Variants in MAGEC1 observed in about 807,000 individuals in gnomAD.
MAGEC1 encodes MAGE family member C1.
MAGEC1 carries 3 observed loss-of-function variants against 1.5 expected under a neutral mutation model. That is an observed-to-expected ratio of 1.97 (90% CI 0.90 to 5.10). MAGEC1 has a LOEUF of 5.10. MAGEC1 is among the 30% of genes most tolerant of loss of function. The probability of loss-of-function intolerance (pLI) is 0.02; values close to 1 mark genes in which losing one functional copy is unlikely to be tolerated. For synonymous variants in MAGEC1, 357 were observed against 310.4 expected (o/e 1.15, Z -1.58); for missense variants, 985 against 803.1 (o/e 1.23, Z -2.74).
rs1481838835 is a variant in MAGEC1 at position 141,905,788 on chromosome X, G to C, written c.384G>C (p.Leu128=). The change falls in exon 4 of 4, where the codon CTG becomes CTC. Residue 128 remains leucine (L), a synonymous_variant. Coordinates refer to ENST00000285879, the MANE Select transcript of MAGEC1 (RefSeq NM_005462.5). The stretch of plus-strand genomic sequence containing the variant: ...AGGGTGAGGATGTCCAGTCTCCTCT[G>C]CAGAATCCTGCGAGTTCCTTCTTCT... The part of the protein sequence containing the change: ...PPEGEDVQSP[L]QNPASSFFSS... 3 of 1,212,188 alleles carry C rather than the reference G, an allele frequency of 2.5e-6. No homozygotes were observed.
chrX:141,907,536 C>A lies in MAGEC1; in HGVS notation c.2132C>A (p.Pro711His). ...GEDSLSSLHFPQSPPEWEDSL... is the reference protein window; with the variant it reads ...GEDSLSSLHFHQSPPEWEDSL... ...GACTCCCTGTCTTCTCTCCATTTTC[C>A]TCAGAGTCCTCCTGAGTGGGAGGAC... is the stretch of plus-strand genomic sequence containing the variant. The change falls in exon 4 of 4, where the codon CCT (proline) becomes CAT (histidine). Residue 711 changes from proline (P) to histidine (H), a missense_variant. Physicochemically the swap from Pro to His is moderately conservative, Grantham distance 77 (BLOSUM62 -2). Transcript: ENST00000285879. The A allele has an allele frequency of 2.5e-6, 3 of 1,201,913 alleles. No homozygotes were observed. The highest frequency in any genetic ancestry group is 2.2e-6 in the Non-Finnish European group (2 of 889,848).
In MAGEC1 at chrX:141,908,544, T is replaced by C; in HGVS notation, c.3140T>C (p.Val1047Ala). The change falls in exon 4 of 4, where the codon GTT (valine) becomes GCT (alanine). Residue 1047 changes from valine (V) to alanine (A), a missense_variant. Val to Ala is a moderately conservative substitution (Grantham distance 64, BLOSUM62 0). Coordinates refer to ENST00000285879, the MANE Select transcript of MAGEC1 (RefSeq NM_005462.5). ...FGEPRELLTK[V>A]WVQEHYLEYR... ...GAGCCCAGGGAGCTCCTCACTAAAG[T>C]TTGGGTGCAGGAACATTACCTAGAG... The C allele has an allele frequency of 8.4e-7, 1 of 1,193,905 alleles. No individual in the cohort carries two copies. Among genetic ancestry groups the C allele is most frequent in the Non-Finnish European group, 1.1e-6 (1 of 886,605 alleles).
chrX:141,907,320 G>A lies in MAGEC1; in HGVS notation c.1916G>A (p.Ser639Asn). ...ATCTGCTCCTCCTCCACTCCATCCA[G>A]TCTTCCCCAGAGTTTCCCTGAGAGT... ...VSICSSSTPS[S>N]LPQSFPESSQ... Residue 639 changes from serine (S) to asparagine (N), a missense_variant, in exon 4 of 4, where the codon AGT becomes AAT. Physicochemically the swap from Ser to Asn is conservative, Grantham distance 46. Transcript: ENST00000285879. 8.3e-7 allele frequency: 1 copy of A among 1,207,068 alleles called. No individual in the cohort carries two copies. Among genetic ancestry groups the A allele is most frequent in the Non-Finnish European group, 1.1e-6 (1 of 894,069 alleles).
Position 141,904,731 on chromosome X carries a change from A to G in MAGEC1, c.-187A>G. ...TCCTCTTGCAGGTGCTCCAGAAAGC[A>G]GGAGTTGAAGACCTGGGTGTGAGGG... On this transcript the variant is annotated 5_prime_UTR_variant, in exon 2 of 4. Coordinates refer to ENST00000285879, the MANE Select transcript of MAGEC1 (RefSeq NM_005462.5). 1 of 262,033 alleles carries G rather than the reference A, an allele frequency of 3.8e-6. No individual in the cohort carries two copies. The highest frequency in any genetic ancestry group is 6.8e-6 in the Non-Finnish European group (1 of 146,444). The allele number at this position is 262,033 out of a possible 1,213,427, so 21.6% of individuals were successfully genotyped here.
rs774454552 is a variant in MAGEC1 at position 141,905,717 on chromosome X, G to T, written c.313G>T (p.Gly105Trp). The T allele has an allele frequency of 6.0e-5, 72 of 1,209,764 alleles. No homozygotes were observed. In the South Asian group the frequency reaches 1.3e-3, roughly 21 times the overall value. Residue 105 changes from glycine to tryptophan, a missense_variant, in exon 4 of 4, where the codon GGG becomes TGG. Physicochemically the swap from Gly to Trp is radical, Grantham distance 184 (BLOSUM62 -2). Coordinates refer to ENST00000285879, the MANE Select transcript of MAGEC1 (RefSeq NM_005462.5). Reference protein sequence around the residue: ...PLQNSQSSPEGKDSLSPLEIS... With the variant: ...PLQNSQSSPEWKDSLSPLEIS... The stretch of plus-strand genomic sequence containing the variant: ...CCAGAATTCTCAGAGTTCTCCTGAG[G>T]GGAAGGACTCCCTGTCTCCTCTAGA...
At position 141,906,133 on chromosome X, in the gene MAGEC1, C is replaced by T. The variant is rs752591513; in HGVS notation, c.729C>T (p.Ser243=). ...TTCCTGTGAGCCCCTCCTCCTCCTC[C>T]ACTTTACTGAGTCTTTTCCAGAGTT... ...LQIPVSPSSS[S]TLLSLFQSFS... is the part of the protein sequence containing the mutation. The change falls in exon 4 of 4, where the codon TCC becomes TCT. Residue 243 remains serine (S), a synonymous_variant. Transcript: ENST00000285879. The T allele has an allele frequency of 1.3e-5, 10 of 763,404 alleles. No homozygotes were observed. Among genetic ancestry groups the T allele is most frequent in the African/African-American group, 4.4e-5 (2 of 45,889 alleles). The allele number at this position is 763,404 out of a possible 1,213,427, so 62.9% of individuals were successfully genotyped here.
In MAGEC1 at chrX:141,905,631, C is replaced by G. The variant is rs1407971652; in HGVS notation, c.227C>G (p.Ser76Cys). Reference sequence around the variant, plus strand: ...CAGAGACCTCCTGAGGGGAAGGACTCCCAGTCTCCTCTCCAGATTCCCCAG... The same window carrying G: ...CAGAGACCTCCTGAGGGGAAGGACTGCCAGTCTCCTCTCCAGATTCCCCAG... The part of the protein sequence containing the change: ...PLQRPPEGKD[S>C]QSPLQIPQSS... Residue 76 changes from serine to cysteine, a missense_variant, in exon 4 of 4, where the codon TCC becomes TGC. Transcript: ENST00000285879. The G allele has an allele frequency of 8.3e-7, 1 of 1,210,771 alleles. No homozygotes were observed. The highest frequency in any genetic ancestry group is 1.1e-6 in the Non-Finnish European group (1 of 894,889).
rs761310657 is a variant in MAGEC1, at chrX:141,905,540, G to A, written c.136G>A (p.Asp46Asn). The A allele has an allele frequency of 1.5e-5, 18 of 1,210,016 alleles. No individual in the cohort carries two copies. The highest frequency in any genetic ancestry group is 3.0e-5 in the East Asian group (1 of 33,670). The change falls in exon 4 of 4, where the codon GAC (aspartate) becomes AAC (asparagine). Residue 46 changes from aspartate to asparagine, a missense_variant. Asp to Asn is a conservative substitution (Grantham distance 23). Transcript: ENST00000285879. ...TCCCCAGAGTTCTCCTGAGAGCGACGACACCCTGTATCCTCTCCAGAGTCC... is the reference window on the plus strand; with the variant it reads ...TCCCCAGAGTTCTCCTGAGAGCGACAACACCCTGTATCCTCTCCAGAGTCC... Reference protein sequence around the residue: ...QIPQSSPESDDTLYPLQSPQS... With the variant: ...QIPQSSPESDNTLYPLQSPQS...
Position 141,905,413 on chromosome X carries a change from C to T in MAGEC1, c.9C>T (p.Asp3=). The part of the protein sequence containing the change: MG[D]KDMPTAGMPS... ...CTCTGCTTCTGCGTTCTCCAGGGGA[C>T]AAGGATATGCCTACTGCTGGGATGC... Residue 3 remains aspartate, a synonymous_variant, in exon 4 of 4, where the codon GAC becomes GAT. Coordinates refer to ENST00000285879, the MANE Select transcript of MAGEC1 (RefSeq NM_005462.5). 2.5e-6 allele frequency: 3 copies of T among 1,208,286 alleles called. No individual in the cohort carries two copies. In the Admixed American group the frequency reaches 6.5e-5, roughly 26 times the overall value.
At position 141,907,564 on chromosome X, in the gene MAGEC1, CCTCT is replaced by C; in HGVS notation, c.2164_2167del (p.Ser722LeufsTer22). The C allele has an allele frequency of 1.7e-6, 2 of 1,201,026 alleles. No individual in the cohort carries two copies. Among genetic ancestry groups the C allele is most frequent in the Non-Finnish European group, 2.3e-6 (2 of 888,476 alleles). ...AGAGTCCTCCTGAGTGGGAGGACTCCCTCTCTCCTCTCCACTTTCCTCAGTTTCC... is the reference window on the plus strand; with the variant it reads ...AGAGTCCTCCTGAGTGGGAGGACTCCCTCCTCTCCACTTTCCTCAGTTTCC... On this transcript the variant is annotated frameshift_variant, in exon 4 of 4. Transcript: ENST00000285879. LOFTEE classifies it low-confidence loss of function (END_TRUNC).
chrX:141,904,137 C>T (rs921853011), intron 1 of MAGEC1, among the ~76,000 whole-genome samples, 159 bp downstream of exon 1: 41 of 111,710 alleles, frequency 3.7e-4, no homozygotes, highest in East Asian at 2.9e-4. Flanking sequence ...GAGGAAATGC[C>T]GGCCCTCTAG....
At position 141,908,848 on chromosome X, in the gene MAGEC1, T is replaced by A; in HGVS notation, c.*15T>A. ...CTTCTGAGTGAAGTCTAGGGCAGAT[T>A]CTTCCCTCTGAGTTTGAAGGGGGCA... On this transcript the variant is annotated 3_prime_UTR_variant, in exon 4 of 4. Transcript: ENST00000285879. The A allele has an allele frequency of 8.6e-7, 1 of 1,163,755 alleles. No homozygotes were observed. The highest frequency in any genetic ancestry group is 1.1e-6 in the Non-Finnish European group (1 of 871,226).
chrX:141,905,843 TCCC>T lies in MAGEC1; in HGVS notation c.441_443del (p.Pro148del), dbSNP rs2018180955. On this transcript the variant is annotated inframe_deletion, in exon 4 of 4. Coordinates refer to ENST00000285879, the MANE Select transcript of MAGEC1 (RefSeq NM_005462.5). ...TGCTTTATTGAGTATTTTCCAGAGT[TCCC>T]CTGAGAGTACTCAAAGTCCTTTTGA... 8.3e-7 allele frequency: 1 copy of T among 1,203,452 alleles called. No homozygotes were observed. Among genetic ancestry groups the T allele is most frequent in the Non-Finnish European group, 1.1e-6 (1 of 891,484 alleles).
intron 3 of MAGEC1, 56 bp downstream of exon 3, chrX:141,905,132 G>GA (rs1371660768): frequency 6.7e-6 from 8 of 1,191,263 alleles, no homozygotes; most frequent in Non-Finnish European, 9.1e-6. Context: ...AGTCCTGTGG[G>GA]ATCCCATCAT....
chrX:141,908,846 A>G lies in MAGEC1; in HGVS notation c.*13A>G. On this transcript the variant is annotated 3_prime_UTR_variant, in exon 4 of 4. Coordinates refer to ENST00000285879, the MANE Select transcript of MAGEC1 (RefSeq NM_005462.5). ...CTCTTCTGAGTGAAGTCTAGGGCAG[A>G]TTCTTCCCTCTGAGTTTGAAGGGGG... 8.6e-7 allele frequency: 1 copy of G among 1,162,507 alleles called. No individual in the cohort carries two copies. Among genetic ancestry groups the G allele is most frequent in the Middle Eastern group, 2.4e-4 (1 of 4,116 alleles).
intron 3 of MAGEC1, 35 bp downstream of exon 3, chrX:141,905,111 C>T (rs764967063): frequency 1.9e-5 from 23 of 1,208,544 alleles, no homozygotes; most frequent in Non-Finnish European, 2.4e-5. Flanking sequence ...GGCACTGTCC[C>T]TCTCTCCCTC....
rs1315817396 is a variant in MAGEC1 at position 141,908,814 on chromosome X, C to T, written c.3410C>T (p.Pro1137Leu). 8.4e-7 allele frequency: 1 copy of T among 1,196,150 alleles called. No homozygotes were observed. Among genetic ancestry groups the T allele is most frequent in the East Asian group, 3.0e-5 (1 of 33,618 alleles). Residue 1137 changes from proline to leucine, a missense_variant, in exon 4 of 4, where the codon CCC (proline) becomes CTC (leucine). Transcript: ENST00000285879. ...TESASSSVMS[P>L]SFSSE ...AGTGCAAGCTCCAGTGTCATGTCCC[C>T]CAGCTTCTCTTCTGAGTGAAGTCTA...
In MAGEC1 at chrX:141,908,047, C is replaced by T. The variant is rs1331415690; in HGVS notation, c.2643C>T (p.Ser881=). Residue 881 remains serine (S), a synonymous_variant, in exon 4 of 4, where the codon TCC becomes TCT. Transcript: ENST00000285879. The part of the protein sequence containing the change: ...SSSPVDEYTS[S]SDTLLESDSL... The stretch of plus-strand genomic sequence containing the variant: ...GCCCAGTAGATGAATATACAAGTTC[C>T]TCAGACACCTTGCTAGAGAGTGATT... The T allele has an allele frequency of 8.3e-7, 1 of 1,211,954 alleles. No homozygotes were observed. The highest frequency in any genetic ancestry group is 1.1e-6 in the Non-Finnish European group (1 of 895,569).
At position 141,906,447 on chromosome X, in the gene MAGEC1, C is replaced by A. The variant is rs1926897198; in HGVS notation, c.1043C>A (p.Ser348Tyr). The A allele has an allele frequency of 8.3e-7, 1 of 1,198,460 alleles. No homozygotes were observed. Among genetic ancestry groups the A allele is most frequent in the African/African-American group, 1.8e-5 (1 of 56,007 alleles). The change falls in exon 4 of 4, where the codon TCT (serine) becomes TAT (tyrosine). Residue 348 changes from serine to tyrosine, a missense_variant. Ser to Tyr is a moderately radical substitution (Grantham distance 144). Transcript: ENST00000285879. ...LQIPMTSSFS[S>Y]TLLSIFQSSP... is the part of the protein sequence containing the mutation. Reference sequence around the variant, plus strand: ...ATTCCTATGACCTCCTCCTTCTCCTCTACTTTATTGAGTATTTTCCAGAGT... The same window carrying A: ...ATTCCTATGACCTCCTCCTTCTCCTATACTTTATTGAGTATTTTCCAGAGT...
Sources: allele counts gnomAD v4.1 joint callset (sites outside exome capture counted in the v4.1 genomes callset), GRCh38; gene constraint gnomAD v4.1.1; transcripts MANE v1.5; gene names NCBI Gene and HGNC (gene_info 2026-07-23, HGNC 2026-07-21).